Variants in BICC1 observed in about 807,000 individuals in gnomAD.
BICC1 encodes BicC family RNA binding protein 1, also known as protein bicaudal C homolog 1.
In BICC1, 43 loss-of-function variants were observed where a neutral mutation model predicts 111.0. The ratio of observed to expected loss-of-function variants is 0.39; its 90% CI spans 0.30 to 0.50. BICC1 has a LOEUF of 0.50. Ranked by LOEUF, BICC1 falls within the 20% of genes least tolerant of loss-of-function variation. The pLI is 0.88. For synonymous variants in BICC1, 467 were observed against 434.4 expected (o/e 1.07, Z -0.93); for missense variants, 1,091 against 1,203.2 (o/e 0.91, Z 1.38).
chr10:58,770,909 G>A (rs1842607581), intron 3 of BICC1, among the ~76,000 whole-genome samples: 1 of 152,184 alleles, frequency 6.6e-6, no homozygotes, highest in Admixed American at 6.5e-5. Context: ...GAAGAAATAA[G>A]AGCTGAAATG....
chr10:58,804,028 G>A (rs1235224472), intron 15 of BICC1, among the ~76,000 whole-genome samples: 1 of 152,148 alleles, frequency 6.6e-6, no homozygotes, highest in Non-Finnish European at 1.5e-5. Context: ...CCTAGAAACA[G>A]AAAAGCTGTC....
chr10:58,608,081 G>T (rs1023688375), intron 1 of BICC1, among the ~76,000 whole-genome samples: 1 of 152,046 alleles, frequency 6.6e-6, no homozygotes, highest in African/African-American at 2.4e-5. Flanking sequence ...CAATATATGG[G>T]TATCACTGGT....
intron 13 of BICC1, among the ~76,000 whole-genome samples, chr10:58,800,598 A>C (rs1035784926): frequency 6.6e-6 from 1 of 152,220 alleles, no homozygotes; most frequent in Non-Finnish European, 1.5e-5. Flanking sequence ...GAAAAGCATC[A>C]ACTTACTAAA....
chr10:58,538,528 C>G (rs1190328743), intron 1 of BICC1, among the ~76,000 whole-genome samples: 1 of 151,632 alleles, frequency 6.6e-6, no homozygotes, highest in African/African-American at 2.4e-5. Flanking sequence ...AGAAGAAAAA[C>G]TTTTCTGGAC....
chr10:58,528,046 GC>G (rs1283805295), intron 1 of BICC1, among the ~76,000 whole-genome samples: 5 of 151,910 alleles, frequency 3.3e-5, no homozygotes, highest in African/African-American at 1.2e-4. Context: ...TTCCTCTGTG[GC>G]ATCTGGCCCA....
chr10:58,601,760 A>G (rs1246978176), intron 1 of BICC1, among the ~76,000 whole-genome samples: 1 of 152,116 alleles, frequency 6.6e-6, no homozygotes, highest in Non-Finnish European at 1.5e-5. Context: ...TAATTATATA[A>G]ATTATACAAT....
chr10:58,526,731 A>G (rs1469794546), intron 1 of BICC1, among the ~76,000 whole-genome samples: 1 of 152,142 alleles, frequency 6.6e-6, no homozygotes, highest in Non-Finnish European at 1.5e-5. Context: ...TTCCCGCTTC[A>G]TCCATGCCCT....
chr10:58,656,624 A>G (rs961358150), intron 2 of BICC1, among the ~76,000 whole-genome samples: 1 of 152,122 alleles, frequency 6.6e-6, no homozygotes, highest in African/African-American at 2.4e-5. Context: ...ATAGATGCAG[A>G]AAAAGCCTTT....
At chr10:58,613,618 G>T (rs1022791683) in intron 1 of BICC1, among the ~76,000 whole-genome samples, 2 of 152,098 alleles carry the variant, frequency 1.3e-5, no homozygotes, top group South Asian at 4.1e-4. Context: ...TTGTTCTTCA[G>T]ATCTAACGGT....
chr10:58,614,977 CT>C (rs1375172994), intron 1 of BICC1, among the ~76,000 whole-genome samples: 1 of 151,948 alleles, frequency 6.6e-6, no homozygotes, highest in Non-Finnish European at 1.5e-5. Context: ...ATGTCCTTAT[CT>C]GCTACTTTCA....
At chr10:58,580,159 G>A (rs1404812577) in intron 1 of BICC1, among the ~76,000 whole-genome samples, 1 of 151,998 alleles carries the variant, frequency 6.6e-6, no homozygotes, top group Non-Finnish European at 1.5e-5. Context: ...CAGTAGCTGG[G>A]ATTACAGGCA....
At chr10:58,827,564 A>G (rs549599151) in intron 20 of BICC1, among the ~76,000 whole-genome samples, 175 of 152,332 alleles carry the variant, frequency 1.1e-3, no homozygotes, top group African/African-American at 4.0e-3. Flanking sequence ...ATGGCGATGC[A>G]TGTTTCTGAA....
intron 1 of BICC1, among the ~76,000 whole-genome samples, chr10:58,520,922 G>A (rs1470742206): frequency 6.6e-6 from 1 of 151,974 alleles, no homozygotes; most frequent in Non-Finnish European, 1.5e-5. Context: ...CATATGTCAG[G>A]TGCAGTGTTG....
At chr10:58,592,875 CAAAAAAA>C (rs969508229) in intron 1 of BICC1, among the ~76,000 whole-genome samples, 12 of 46,646 alleles carry the variant, frequency 2.6e-4, no homozygotes, top group East Asian at 7.3e-4. Flanking sequence ...GACTCCGTCT[CAAAAAAA>C]AAAAAAAAAA....
rs192968280 is a variant in BICC1, at chr10:58,724,022, C to T, written c.307+21879C>T. Among the ~76,000 whole-genome samples, 162 of 152,268 alleles carry T rather than the reference C, an allele frequency of 1.1e-3. 4 individuals carry two copies. The East Asian group carries it at 0.019, about 18-fold the overall frequency. On this transcript the variant is annotated intron_variant, in intron 3 of 20. Transcript: ENST00000373886. ...GTCAACATGATGAGTTTGTGAGATT[C>T]TATGTGACTTTAAGACTTTGAGCAG...
chr10:58,699,696 T>C (rs1029720762), intron 2 of BICC1, among the ~76,000 whole-genome samples: 1 of 152,064 alleles, frequency 6.6e-6, no homozygotes, highest in African/African-American at 2.4e-5. Flanking sequence ...TTTCTATCTT[T>C]CTTTCTTTTT....
At chr10:58,637,582 C>T (rs1286889927) in intron 2 of BICC1, among the ~76,000 whole-genome samples, 1 of 152,238 alleles carries the variant, frequency 6.6e-6, no homozygotes, top group Admixed American at 6.5e-5. Flanking sequence ...TTTGGCTTTA[C>T]AGCCCTTTGC....
chr10:58,798,361 A>T, intron 10 of BICC1, 38 bp from the exon 11 acceptor site: 2 of 1,470,468 alleles, frequency 1.4e-6, no homozygotes, highest in Non-Finnish European at 1.8e-6. Flanking sequence ...AAAATCTTAA[A>T]TTTATGTGAA....
At chr10:58,793,999 G>T (rs531212499) in intron 9 of BICC1, among the ~76,000 whole-genome samples, 3 of 152,060 alleles carry the variant, frequency 2.0e-5, no homozygotes, top group Non-Finnish European at 4.4e-5. Context: ...ATTCATTATA[G>T]ATCATCATTT....
Sources: gnomAD v4.1 joint callset for allele counts (sites outside exome capture counted in the v4.1 genomes callset) on GRCh38, gnomAD v4.1.1 for gene constraint, MANE v1.5 for transcripts, NCBI Gene and HGNC (gene_info 2026-07-23, HGNC 2026-07-21) for gene names.